Variants in KCNU1 observed in about 807,000 individuals in gnomAD.
The protein encoded by KCNU1 is potassium calcium-activated channel subfamily U member 1, also known as potassium channel subfamily U member 1.
KCNU1 carries 93 observed loss-of-function variants against 126.8 expected under a neutral mutation model. That is an observed-to-expected ratio of 0.73 (90% confidence interval 0.62 to 0.87). The LOEUF (loss-of-function observed/expected upper bound fraction) is 0.87. KCNU1 is among the 40% of genes least tolerant of loss of function. The pLI is 0.00. For missense variants in KCNU1, 1,330 were observed against 1,367.1 expected (o/e 0.97, Z 0.43); for synonymous variants, 523 against 494.2 (o/e 1.06, Z -0.77).
intron 7 of KCNU1, among the ~76,000 whole-genome samples, chr8:36,812,286 A>T (rs1186949105): frequency 6.6e-6 from 1 of 151,720 alleles, no homozygotes; most frequent in Non-Finnish European, 1.5e-5. Flanking sequence ...AGGCTGAGGC[A>T]AGAGAATTGC....
chr8:36,838,950 T>C (rs1465994914), intron 14 of KCNU1, among the ~76,000 whole-genome samples: 1 of 152,172 alleles, frequency 6.6e-6, no homozygotes, highest in Non-Finnish European at 1.5e-5. Context: ...CTATCGACTT[T>C]GGTTTAGTGG....
chr8:36,853,746 T>C (rs1805433496), intron 18 of KCNU1, among the ~76,000 whole-genome samples: 1 of 152,180 alleles, frequency 6.6e-6, no homozygotes, highest in African/African-American at 2.4e-5. Context: ...TGGAATGTTA[T>C]ATGGATGTCT....
intron 19 of KCNU1, among the ~76,000 whole-genome samples, chr8:36,873,910 A>G (rs1055368897): frequency 2.0e-5 from 3 of 152,146 alleles, no homozygotes; most frequent in African/African-American, 4.8e-5. Flanking sequence ...CATAATTTAC[A>G]ACAACAACAA....
At chr8:36,878,657 G>C in intron 19 of KCNU1, among the ~76,000 whole-genome samples, 1 of 151,778 alleles carries the variant, frequency 6.6e-6, no homozygotes, top group East Asian at 1.9e-4. Context: ...GTGCAGATAT[G>C]GACTTGGAAG....
At chr8:36,816,826 A>G (rs1488126956) in intron 9 of KCNU1, among the ~76,000 whole-genome samples, 1 of 152,100 alleles carries the variant, frequency 6.6e-6, no homozygotes, top group East Asian at 1.9e-4. Context: ...TAACTACTAG[A>G]TATTCGTAAA....
chr8:36,808,906 G>A (rs1803605987), intron 7 of KCNU1, 113 bp downstream of exon 7: 1 of 689,754 alleles, frequency 1.4e-6, no homozygotes, highest in African/African-American at 1.8e-5. Flanking sequence ...GCCAGTTGGA[G>A]GTGTGTCTTT....
chr8:36,924,429 G>A (rs541109884), intron 24 of KCNU1, among the ~76,000 whole-genome samples: 1 of 152,320 alleles, frequency 6.6e-6, no homozygotes, highest in East Asian at 1.9e-4. Context: ...TGACATCAAT[G>A]CCATTCGGCA....
intron 23 of KCNU1, among the ~76,000 whole-genome samples, chr8:36,919,742 C>T (rs955227936): frequency 6.6e-6 from 1 of 152,218 alleles, no homozygotes; most frequent in Non-Finnish European, 1.5e-5. Context: ...CTGGCTGTGA[C>T]TTGACCTGAT....
In KCNU1 at chr8:36,864,604, T is replaced by A. The variant is rs960283111; in HGVS notation, c.2009+83T>A. The A allele has an allele frequency of 3.5e-5, 29 of 839,176 alleles. 1 individual carries two copies. The highest frequency in any genetic ancestry group is 1.9e-4 in the South Asian group (14 of 73,034). 52.0% of individuals were successfully genotyped at this position (839,176 alleles called of 1,614,324 possible). ...ATATATTGTATTTAAACCAGAATAT[T>A]TGCTTTATAAACTCCTATACTGACC... On this transcript the variant is annotated intron_variant, in intron 19 of 26. Transcript: ENST00000399881.
chr8:36,870,575 C>T (rs1806065590), intron 19 of KCNU1, among the ~76,000 whole-genome samples: 2 of 152,140 alleles, frequency 1.3e-5, no homozygotes, highest in Admixed American at 6.6e-5. Context: ...GGCAGAAGAT[C>T]GGATACAAAT....
At chr8:36,809,271 T>G (rs1803621219) in intron 7 of KCNU1, among the ~76,000 whole-genome samples, 1 of 152,134 alleles carries the variant, frequency 6.6e-6, no homozygotes, top group African/African-American at 2.4e-5. Flanking sequence ...TGTAGGAAAG[T>G]CTGGTTCTTA....
chr8:36,787,228 G>T lies in KCNU1; in HGVS notation c.196-78G>T. 7.7e-6 allele frequency: 10 copies of T among 1,306,060 alleles called. No individual in the cohort carries two copies. In the South Asian group the frequency reaches 8.1e-5, roughly 11 times the overall value. The allele number at this position is 1,306,060 out of a possible 1,614,324, so 80.9% of individuals were successfully genotyped here. On this transcript the variant is annotated intron_variant, in intron 1 of 26. Transcript: ENST00000399881. The stretch of plus-strand genomic sequence containing the variant: ...TTTTCGACTGATACCATCACAAGAG[G>T]CTCCATCAACGTAAGTAGAACAGAT...
chr8:36,858,176 CA>C (rs67265944), intron 18 of KCNU1, among the ~76,000 whole-genome samples: 940 of 73,028 alleles, frequency 0.013, 5 homozygotes, highest in African/African-American at 0.034. Context: ...TCAAGGATGG[CA>C]AAAAAAAAAA....
rs1162780118 is a variant in KCNU1 at position 36,900,780 on chromosome 8, A to ATT, written c.2010-4927_2010-4926dup. 2.0e-5 allele frequency among the ~76,000 whole-genome samples: 3 copies of ATT among 152,138 alleles called. No individual in the cohort carries two copies. The East Asian group carries it at 5.8e-4, about 29-fold the overall frequency. On this transcript the variant is annotated intron_variant, in intron 19 of 26. Coordinates refer to ENST00000399881, the MANE Select transcript of KCNU1 (RefSeq NM_001031836.3). ...CTTGATTTTTGGCTAGAACTTGACT[A>ATT]TTATGCTCAAGAGACAGTCACAATG...
intron 2 of KCNU1, among the ~76,000 whole-genome samples, chr8:36,798,800 C>T (rs1233642964): frequency 6.6e-6 from 1 of 152,144 alleles, no homozygotes. Context: ...TATTTGATTG[C>T]TGTCTCATGC....
At position 36,836,326 on chromosome 8, in the gene KCNU1, C is replaced by G; in HGVS notation, c.1326C>G (p.Thr442=). 2 of 1,606,958 alleles carry G rather than the reference C, an allele frequency of 1.2e-6. No homozygotes were observed. The highest frequency in any genetic ancestry group is 1.7e-6 in the Non-Finnish European group (2 of 1,174,392). The change falls in exon 13 of 27, where the codon ACC becomes ACG. Residue 442 remains threonine, a synonymous_variant. Coordinates refer to ENST00000399881, the MANE Select transcript of KCNU1 (RefSeq NM_001031836.3). ...RVLSIKNYDS[T]TRIIIQILQS... ...TCTCTATCAAGAACTATGATTCTAC[C>G]ACCAGAATCATCATACAGATACTGC...
chr8:36,827,112 T>A (rs1169319375), intron 10 of KCNU1, among the ~76,000 whole-genome samples: 1 of 152,326 alleles, frequency 6.6e-6, no homozygotes, highest in African/African-American at 2.4e-5. Context: ...ATGGAAACAC[T>A]GTTAACTTAG....
intron 24 of KCNU1, among the ~76,000 whole-genome samples, chr8:36,924,752 C>T (rs771500490): frequency 3.0e-4 from 45 of 152,108 alleles, no homozygotes; most frequent in Non-Finnish European, 5.7e-4. Context: ...AGGTGACTCT[C>T]GATGAACTTG....
At chr8:36,878,456 G>T (rs574858384) in intron 19 of KCNU1, among the ~76,000 whole-genome samples, 1 of 152,284 alleles carries the variant, frequency 6.6e-6, no homozygotes, top group Admixed American at 6.5e-5. Context: ...GGTTGTCCCT[G>T]TGCTGAAGTC....
Sources: allele counts gnomAD v4.1 joint callset (sites outside exome capture counted in the v4.1 genomes callset), GRCh38; gene constraint gnomAD v4.1.1; transcripts MANE v1.5; gene names NCBI Gene and HGNC (gene_info 2026-07-23, HGNC 2026-07-21).